PARD3B: variants seen among roughly 807,000 people sequenced by gnomAD.
The protein encoded by PARD3B is partitioning defective 3 homolog B.
In PARD3B, 103 loss-of-function variants were observed where a neutral mutation model predicts 130.2. The observed-to-expected ratio is 0.79, with a 90% CI of 0.67 to 0.93. The LOEUF (loss-of-function observed/expected upper bound fraction) is 0.93, where lower values mean the gene tolerates loss of function less well. PARD3B is among the 40% of genes least tolerant of loss of function. The probability of loss-of-function intolerance (pLI) is 0.00; values close to 1 mark genes in which losing one functional copy is unlikely to be tolerated. For missense variants in PARD3B, 1,609 were observed against 1,499.2 expected (o/e 1.07, Z -1.21); for synonymous variants, 583 against 553.2 (o/e 1.05, Z -0.76).
At chr2:204,612,264 G>C (rs1020347514) in intron 1 of PARD3B, among the ~76,000 whole-genome samples, 1 of 152,190 alleles carries the variant, frequency 6.6e-6, no homozygotes, top group Non-Finnish European at 1.5e-5. Context: ...GCTTTTACCA[G>C]ATGAGATGGC....
chr2:205,305,575 G>A (rs998204024), intron 18 of PARD3B, among the ~76,000 whole-genome samples: 1 of 152,180 alleles, frequency 6.6e-6, no homozygotes. Context: ...ATGACAACAT[G>A]TAATTGCAAT....
At chr2:205,106,481 ATGTGTGTGTGTGTGTGTG>A (rs202186761) in intron 5 of PARD3B, among the ~76,000 whole-genome samples, 1,867 of 147,012 alleles carry the variant, frequency 0.013, 37 homozygotes, top group African/African-American at 0.043. Flanking sequence ...TAAGAAATGT[ATGTGTGTGTGTGTGTGTG>A]TGTGTGTGTG....
chr2:205,360,632 G>T (rs1364245460), intron 18 of PARD3B, among the ~76,000 whole-genome samples: 1 of 152,188 alleles, frequency 6.6e-6, no homozygotes, highest in Non-Finnish European at 1.5e-5. Context: ...TTCCCCTGAG[G>T]AGTGCAGTGC....
At chr2:205,143,604 C>T (rs1165915146) in intron 10 of PARD3B, among the ~76,000 whole-genome samples, 4 of 151,986 alleles carry the variant, frequency 2.6e-5, no homozygotes, top group Non-Finnish European at 5.9e-5. Flanking sequence ...TATAACAGCA[C>T]GGGAGAGGAA....
chr2:205,227,644 G>C (rs940196896), intron 15 of PARD3B, among the ~76,000 whole-genome samples: 9 of 151,870 alleles, frequency 5.9e-5, no homozygotes, highest in Non-Finnish European at 1.0e-4. Context: ...CAGCCACTCT[G>C]TGTCTATTGA....
intron 20 of PARD3B, among the ~76,000 whole-genome samples, chr2:205,497,864 TTAGAG>T (rs1247154741): frequency 2.0e-5 from 3 of 152,042 alleles, no homozygotes; most frequent in Admixed American, 6.6e-5. Context: ...TCTGTCATTA[TTAGAG>T]TAAATTCAAA....
intron 13 of PARD3B, among the ~76,000 whole-genome samples, chr2:205,179,223 T>G (rs966041905): frequency 4.6e-5 from 7 of 152,314 alleles, no homozygotes; most frequent in Admixed American, 3.9e-4. Context: ...TGTGTTTGTG[T>G]TTTAAGCTGT....
At chr2:204,804,397 A>G (rs2042688900) in intron 2 of PARD3B, among the ~76,000 whole-genome samples, 1 of 152,224 alleles carries the variant, frequency 6.6e-6, no homozygotes. Context: ...CTATAAAAAG[A>G]TACAAAGTCA....
At chr2:205,211,974 A>G (rs899193552) in intron 15 of PARD3B, among the ~76,000 whole-genome samples, 1 of 152,146 alleles carries the variant, frequency 6.6e-6, no homozygotes, top group Admixed American at 6.6e-5. Context: ...ATAAATTATC[A>G]TAGCACCCAA....
intron 5 of PARD3B, among the ~76,000 whole-genome samples, chr2:205,108,632 C>T (rs1359581661): frequency 6.6e-6 from 1 of 152,084 alleles, no homozygotes; most frequent in Non-Finnish European, 1.5e-5. Context: ...CCTATCTTTT[C>T]TGATGGAAGA....
chr2:204,935,507 C>G (rs2125788122), intron 2 of PARD3B, among the ~76,000 whole-genome samples: 1 of 151,774 alleles, frequency 6.6e-6, no homozygotes, highest in African/African-American at 2.4e-5. Context: ...CCACTGTACT[C>G]CAGCCTGAGT....
chr2:205,160,813 C>T lies in PARD3B; in HGVS notation c.1620+1906C>T, dbSNP rs1414976118. Among the ~76,000 whole-genome samples the T allele has an allele frequency of 6.6e-6, 1 of 152,162 alleles. No individual in the cohort carries two copies. The stretch of plus-strand genomic sequence containing the variant: ...CAAAGTGGAAATTACAGATTAGACC[C>T]TTTAGTGCCTTTCCTGTGGTCAGAT... On this transcript the variant is annotated intron_variant, in intron 11 of 22. Transcript: ENST00000406610. The surrounding 1 kb of genome is among the most constrained non-coding windows in gnomAD (Gnocchi z 4.0).
chr2:205,401,873 A>T (rs2046264410), intron 19 of PARD3B, among the ~76,000 whole-genome samples: 1 of 152,214 alleles, frequency 6.6e-6, no homozygotes, highest in African/African-American at 2.4e-5. Flanking sequence ...TTATGACAAA[A>T]CCAGCATATA....
chr2:205,404,263 A>G (rs914501485), intron 19 of PARD3B, among the ~76,000 whole-genome samples: 2 of 152,252 alleles, frequency 1.3e-5, no homozygotes, highest in Admixed American at 1.3e-4. Flanking sequence ...GCCAAGTACT[A>G]CATTGAAGCT....
intron 18 of PARD3B, among the ~76,000 whole-genome samples, chr2:205,307,607 G>T (rs1444708145): frequency 6.6e-6 from 1 of 152,176 alleles, no homozygotes; most frequent in African/African-American, 2.4e-5. Flanking sequence ...ATTGCTGTCA[G>T]TCCTAGGCCA....
intron 3 of PARD3B, among the ~76,000 whole-genome samples, chr2:205,041,014 A>G (rs1440911471): frequency 6.6e-6 from 1 of 152,176 alleles, no homozygotes; most frequent in Non-Finnish European, 1.5e-5. Context: ...CTGTGACTTT[A>G]TTAAACAATA....
intron 16 of PARD3B, among the ~76,000 whole-genome samples, chr2:205,290,605 T>A (rs936512377): frequency 1.3e-5 from 2 of 152,158 alleles, no homozygotes; most frequent in African/African-American, 4.8e-5. Context: ...CAATTCACCA[T>A]AGAGAATACA....
chr2:205,175,400 A>T (rs553834128), intron 12 of PARD3B, among the ~76,000 whole-genome samples: 1 of 152,356 alleles, frequency 6.6e-6, no homozygotes, highest in East Asian at 1.9e-4. Flanking sequence ...CCTTGACAAA[A>T]AGCTAAAGGA....
chr2:205,430,000 C>T (rs1331389773), intron 19 of PARD3B, among the ~76,000 whole-genome samples: 1 of 152,176 alleles, frequency 6.6e-6, no homozygotes, highest in Non-Finnish European at 1.5e-5. Context: ...TTTATGTCTT[C>T]TCCTTTATAA....
Sources: gnomAD v4.1 joint callset for allele counts (sites outside exome capture counted in the v4.1 genomes callset) on GRCh38, gnomAD v4.1.1 for gene constraint, Gnocchi (gnomAD v3.1) non-coding constraint, MANE v1.5 for transcripts, NCBI Gene and HGNC (gene_info 2026-07-23, HGNC 2026-07-21) for gene names.